The following LYN variants were observed in gnomAD, a reference collection of about 807,000 sequenced individuals.
LYN encodes tyrosine-protein kinase Lyn.
In LYN, 12 loss-of-function variants were observed where a neutral mutation model predicts 65.0. The ratio of observed to expected loss-of-function variants is 0.18; its 90% CI spans 0.12 to 0.30. The LOEUF is 0.30. LYN is among the 10% of genes least tolerant of loss of function. LYN has a pLI of 1.00. For missense variants in LYN, 380 were observed against 623.2 expected (o/e 0.61, Z 4.16); for synonymous variants, 222 against 221.2 (o/e 1.00, Z -0.03).
intron 8 of LYN, among the ~76,000 whole-genome samples, chr8:55,956,470 A>C (rs1276240808): frequency 2.0e-5 from 3 of 152,182 alleles, no homozygotes; most frequent in Non-Finnish European, 4.4e-5. Flanking sequence ...ATCCACCATC[A>C]CTTTTATTTA....
chr8:56,001,727 G>A (rs1341843452), intron 12 of LYN, among the ~76,000 whole-genome samples: 1 of 152,126 alleles, frequency 6.6e-6, no homozygotes, highest in Non-Finnish European at 1.5e-5. Flanking sequence ...TCTGTCTGTA[G>A]AGAAAGATTA....
chr8:55,915,387 A>G (rs1282067786), intron 1 of LYN, among the ~76,000 whole-genome samples: 1 of 152,242 alleles, frequency 6.6e-6, no homozygotes, highest in Admixed American at 6.5e-5. Context: ...AGAACCAAAC[A>G]AAGAAGTATT....
At chr8:55,914,106 G>A (rs1022511134) in intron 1 of LYN, among the ~76,000 whole-genome samples, 3 of 152,100 alleles carry the variant, frequency 2.0e-5, no homozygotes, top group African/African-American at 7.2e-5. Flanking sequence ...GTTGGTGTGT[G>A]TGTGTGTGTG....
intron 10 of LYN, among the ~76,000 whole-genome samples, chr8:55,973,332 A>G (rs928705772): frequency 2.6e-5 from 4 of 152,178 alleles, no homozygotes; most frequent in African/African-American, 9.7e-5. Flanking sequence ...CCAACCATCC[A>G]TAGCCCATTC....
rs550236570 is a variant in LYN at position 55,939,634 on chromosome 8, T to C, written c.-5-2221T>C. 2.8e-4 allele frequency among the ~76,000 whole-genome samples: 43 copies of C among 152,192 alleles called. 2 individuals carry two copies. In the South Asian group the frequency reaches 7.3e-3, roughly 26 times the overall value. On this transcript the variant is annotated intron_variant, in intron 1 of 12. Coordinates refer to ENST00000519728, the MANE Select transcript of LYN (RefSeq NM_002350.4). The stretch of plus-strand genomic sequence containing the variant: ...CTGGATCGAGCGGCCCGGTGCGCTG[T>C]GGGTTGGCCGCACCCATGCAGGGCT...
At chr8:55,937,439 AC>A (rs1185344119) in intron 1 of LYN, among the ~76,000 whole-genome samples, 1 of 152,156 alleles carries the variant, frequency 6.6e-6, no homozygotes, top group African/African-American at 2.4e-5. Flanking sequence ...TCTCTTTTTA[AC>A]CCACTCATAA....
At position 56,010,899 on chromosome 8, in the gene LYN, TAA is replaced by T. The variant is rs965569799; in HGVS notation, c.*790_*791del. 4 of 230,438 alleles carry T rather than the reference TAA, an allele frequency of 1.7e-5. No individual in the cohort carries two copies. Among genetic ancestry groups the T allele is most frequent in the African/African-American group, 8.9e-5 (4 of 45,190 alleles). 14.3% of individuals were successfully genotyped at this position (230,438 alleles called of 1,614,324 possible). ...GCTCTGTGTTTAGAAGGAATATTTTTAAGAGTCCAGCTTTTTCATTTCCACAA... is the reference window on the plus strand; with the variant it reads ...GCTCTGTGTTTAGAAGGAATATTTTTGAGTCCAGCTTTTTCATTTCCACAA... On this transcript the variant is annotated 3_prime_UTR_variant, in exon 13 of 13. Transcript: ENST00000519728.
At chr8:55,995,613 G>A (rs1180017459) in intron 10 of LYN, among the ~76,000 whole-genome samples, 1 of 152,202 alleles carries the variant, frequency 6.6e-6, no homozygotes, top group Admixed American at 6.5e-5. Flanking sequence ...TGGCAGGAGA[G>A]GGTATGCCAG....
intron 1 of LYN, 100 bp from the exon 2 acceptor site, chr8:55,941,754 TA>T: frequency 2.5e-6 from 2 of 793,484 alleles, no homozygotes; most frequent in Non-Finnish European, 4.0e-6. Flanking sequence ...TGATAAAGAA[TA>T]AAAGTATATT....
At chr8:55,958,361 T>A (rs1369952485) in intron 8 of LYN, among the ~76,000 whole-genome samples, 1 of 152,254 alleles carries the variant, frequency 6.6e-6, no homozygotes, top group Non-Finnish European at 1.5e-5. Flanking sequence ...GGAAAGTATC[T>A]GATTGTTTTA....
intron 10 of LYN, among the ~76,000 whole-genome samples, chr8:55,977,016 C>A (rs560366504): frequency 1.1e-4 from 17 of 151,948 alleles, no homozygotes; most frequent in Non-Finnish European, 2.1e-4. Flanking sequence ...GAAACCCGGT[C>A]TCTACTAAAA....
intron 1 of LYN, among the ~76,000 whole-genome samples, chr8:55,884,808 C>T (rs1804746088): frequency 6.6e-6 from 1 of 152,182 alleles, no homozygotes; most frequent in African/African-American, 2.4e-5. Flanking sequence ...ATTAAAAAGC[C>T]TCATCCATGC....
chr8:55,905,112 A>G (rs1432101876), intron 1 of LYN, among the ~76,000 whole-genome samples: 3 of 152,120 alleles, frequency 2.0e-5, no homozygotes, highest in Admixed American at 1.3e-4. Context: ...CGGCTATTTT[A>G]GAAAACATGG....
chr8:55,932,363 T>TA (rs1476027553), intron 1 of LYN, among the ~76,000 whole-genome samples: 1 of 152,200 alleles, frequency 6.6e-6, no homozygotes, highest in Non-Finnish European at 1.5e-5. Context: ...CTTAGCTTTC[T>TA]AAAAAATAGA....
chr8:55,953,984 G>A lies in LYN; in HGVS notation c.790G>A (p.Gly264Ser). The A allele has an allele frequency of 2.5e-6, 4 of 1,613,778 alleles. No individual in the cohort carries two copies. Among genetic ancestry groups the A allele is most frequent in the Non-Finnish European group, 3.4e-6 (4 of 1,179,854 alleles). The change falls in exon 8 of 13, where the codon GGT (glycine) becomes AGT (serine). Residue 264 changes from glycine to serine, a missense_variant and splice_region_variant. Physicochemically the swap from Gly to Ser is moderately conservative, Grantham distance 56. Around this residue, in one of 2 missense-constraint regions of LYN, gnomAD observed 223 missense variants for 430.0 expected, o/e 0.52. Coordinates refer to ENST00000519728, the MANE Select transcript of LYN (RefSeq NM_002350.4). ...TGGGCAGTTTGGGGAAGTCTGGATG[G>A]GTAAGTGTGCGGCTCGGGGATCTAT... ...GAGQFGEVWM[G>S]YYNNSTKVAV...
chr8:55,911,116 C>CACGT (rs1491576964), intron 1 of LYN, among the ~76,000 whole-genome samples: 2 of 7,592 alleles, frequency 2.6e-4, no homozygotes, highest in African/African-American at 8.2e-4. Flanking sequence ...CGTATATATA[C>CACGT]GTATATATAT....
At chr8:55,938,951 G>A (rs1193957558) in intron 1 of LYN, among the ~76,000 whole-genome samples, 1 of 152,194 alleles carries the variant, frequency 6.6e-6, no homozygotes, top group Non-Finnish European at 1.5e-5. Context: ...TGGCCGTATG[G>A]TTTCTTCAAG....
intron 10 of LYN, among the ~76,000 whole-genome samples, chr8:55,986,460 C>G (rs1375311770): frequency 6.6e-6 from 1 of 152,176 alleles, no homozygotes; most frequent in Non-Finnish European, 1.5e-5. Context: ...TATTCATTGA[C>G]AAACTTTTCT....
intron 1 of LYN, among the ~76,000 whole-genome samples, chr8:55,912,923 A>G (rs1805681347): frequency 6.6e-6 from 1 of 152,168 alleles, no homozygotes; most frequent in African/African-American, 2.4e-5. Flanking sequence ...TTACTTTTAT[A>G]TAGTAATGAA....
Sources: gnomAD v4.1 joint callset for allele counts (sites outside exome capture counted in the v4.1 genomes callset) on GRCh38, gnomAD v4.1.1 for gene constraint, gnomAD v4.1.1 regional missense constraint, MANE v1.5 for transcripts, NCBI Gene and HGNC (gene_info 2026-07-23, HGNC 2026-07-21) for gene names.